GATAD1: variants seen among roughly 807,000 people sequenced by gnomAD.
GATAD1 encodes GATA zinc finger domain containing 1.
Under a neutral mutation model 26.5 loss-of-function variants are expected in GATAD1, and 12 were observed. That is an observed-to-expected ratio of 0.45 (90% confidence interval 0.29 to 0.73). The LOEUF (loss-of-function observed/expected upper bound fraction) is 0.73, where lower values mean the gene tolerates loss of function less well. GATAD1 is among the 30% of genes least tolerant of loss of function. The probability of loss-of-function intolerance (pLI) is 0.10; values close to 1 mark genes in which losing one functional copy is unlikely to be tolerated. For synonymous variants in GATAD1, 129 were observed against 133.1 expected, an observed-to-expected ratio of 0.97 and a Z score of 0.21; for missense variants, 266 against 342.1, an observed-to-expected ratio of 0.78 and a Z score of 1.75.
chr7:92,453,041 G>A (rs1280420904), intron 3 of GATAD1, among the ~76,000 whole-genome samples: 1 of 152,202 alleles, frequency 6.6e-6, no homozygotes, highest in Non-Finnish European at 1.5e-5. Flanking sequence ...ACTGTGGCCT[G>A]CATAGACCAG....
the GATAD1 span, chr7:92,475,011 A>G: frequency 6.6e-6 from 1 of 152,148 alleles, no homozygotes; most frequent in Non-Finnish European, 1.5e-5. Context: ...ATGCTGGGAT[A>G]GGGAGGTAGA....
At position 92,447,652 on chromosome 7, in the gene GATAD1, G is replaced by T. The variant is rs1489216425; in HGVS notation, c.-78G>T. ...CTCTTCCTATCGCCGGGAGTGGCGG[G>T]CCGACCAGGGGGCGGCCGGGCTACC... On this transcript the variant is annotated 5_prime_UTR_variant, in exon 1 of 5. Coordinates refer to ENST00000287957, the MANE Select transcript of GATAD1 (RefSeq NM_021167.5). The T allele has an allele frequency of 4.5e-6, 6 of 1,323,290 alleles. No homozygotes were observed. The East Asian group carries it at 1.9e-4, about 43-fold the overall frequency. The allele number at this position is 1,323,290 out of a possible 1,614,324, so 82.0% of individuals were successfully genotyped here.
At chr7:92,463,938 A>G (rs1448859847), downstream of GATAD1, among the ~76,000 whole-genome samples, 10 of 152,232 alleles carry the variant, frequency 6.6e-5, no homozygotes, top group Admixed American at 6.5e-4. Context: ...ACTGCACTCC[A>G]GCCTGGGGGA....
At chr7:92,482,029 T>G in the GATAD1 span, among the ~76,000 whole-genome samples, 1 of 152,036 alleles carries the variant, frequency 6.6e-6, no homozygotes. Context: ...TTGAGAAGAT[T>G]TAAAGGAGGG....
At chr7:92,488,398 C>A in the GATAD1 span, among the ~76,000 whole-genome samples, 1 of 152,084 alleles carries the variant, frequency 6.6e-6, no homozygotes, top group Admixed American at 6.5e-5. Flanking sequence ...AATTAGATAA[C>A]AAAAGGTAGC....
chr7:92,451,300 G>A (rs1445964350), intron 3 of GATAD1, among the ~76,000 whole-genome samples: 2 of 152,198 alleles, frequency 1.3e-5, no homozygotes, highest in African/African-American at 4.8e-5. Flanking sequence ...AGGTTTCCCA[G>A]GGCCAAAGTC....
chr7:92,461,770 C>T (rs1199717925), downstream of GATAD1, among the ~76,000 whole-genome samples: 1 of 152,104 alleles, frequency 6.6e-6, no homozygotes, highest in Non-Finnish European at 1.5e-5. Context: ...CAGGTTTGCT[C>T]ACAGCAAATG....
the GATAD1 span, among the ~76,000 whole-genome samples, chr7:92,488,405 T>C: frequency 6.6e-6 from 1 of 152,114 alleles, no homozygotes; most frequent in Non-Finnish European, 1.5e-5. Flanking sequence ...TAACAAAAGG[T>C]AGCAGCTTCT....
chr7:92,462,906 A>G (rs1412967549), downstream of GATAD1: 1 of 152,216 alleles, frequency 6.6e-6, no homozygotes, highest in African/African-American at 2.4e-5. Flanking sequence ...CAGAACTGTG[A>G]GAAATGAATG....
At chr7:92,481,083 T>G in the GATAD1 span, among the ~76,000 whole-genome samples, 1 of 152,088 alleles carries the variant, frequency 6.6e-6, no homozygotes, top group African/African-American at 2.4e-5. Flanking sequence ...GCCTCAATGA[T>G]GGATGTGGAA....
chr7:92,478,625 A>G, the GATAD1 span, among the ~76,000 whole-genome samples: 26 of 152,218 alleles, frequency 1.7e-4, no homozygotes, highest in African/African-American at 4.8e-4. Context: ...ATGGTAATAC[A>G]TAAGTTATTA....
At chr7:92,477,156 C>T in the GATAD1 span, among the ~76,000 whole-genome samples, 1 of 152,120 alleles carries the variant, frequency 6.6e-6, no homozygotes, top group Admixed American at 6.5e-5. Context: ...CCTCGGCTTC[C>T]CCAAGAAAAC....
the GATAD1 span, among the ~76,000 whole-genome samples, chr7:92,478,533 A>T: frequency 6.6e-6 from 1 of 152,152 alleles, no homozygotes; most frequent in Non-Finnish European, 1.5e-5. Context: ...GGCTAGGTGG[A>T]TGCAGCTACC....
At chr7:92,460,137 TC>T (rs140673217), downstream of GATAD1, among the ~76,000 whole-genome samples, 4,189 of 152,320 alleles carry the variant, frequency 0.028, 83 homozygotes, top group Non-Finnish European at 0.044. Flanking sequence ...GTTTTCCACT[TC>T]AGCCGTAAGT....
chr7:92,456,355 C>T lies in GATAD1; in HGVS notation c.620-17C>T, dbSNP rs748579297. 78 of 1,564,408 alleles carry T rather than the reference C, an allele frequency of 5.0e-5. No individual in the cohort carries two copies. The highest frequency in any genetic ancestry group is 1.1e-4 in the Admixed American group (6 of 57,096). On this transcript the variant is annotated splice_polypyrimidine_tract_variant and intron_variant, in intron 4 of 4. Coordinates refer to ENST00000287957, the MANE Select transcript of GATAD1 (RefSeq NM_021167.5). ...TGGTCAAAAATGTATTTAACCTTTC[C>T]CTTGGCTGCCTTCCAGGGCCAGAGG...
chr7:92,476,101 C>G, the GATAD1 span, among the ~76,000 whole-genome samples: 1 of 152,126 alleles, frequency 6.6e-6, no homozygotes. Context: ...TAGGTCTGGT[C>G]GGACCTTTGT....
intron 3 of GATAD1, among the ~76,000 whole-genome samples, chr7:92,451,321 T>C (rs1377667350): frequency 3.3e-5 from 5 of 152,220 alleles, no homozygotes; most frequent in African/African-American, 7.2e-5. Flanking sequence ...CATGAACATC[T>C]GATACCTCAG....
At chr7:92,478,953 G>T in the GATAD1 span, among the ~76,000 whole-genome samples, 2 of 152,128 alleles carry the variant, frequency 1.3e-5, no homozygotes, top group Non-Finnish European at 2.9e-5. Context: ...GGAGGGCCAG[G>T]TTTTTTGCGG....
chr7:92,475,935 A>G, the GATAD1 span, among the ~76,000 whole-genome samples: 1 of 152,186 alleles, frequency 6.6e-6, no homozygotes, highest in Non-Finnish European at 1.5e-5. Context: ...CTGAGTGCAA[A>G]CAGCTCACAC....
Sources: allele counts gnomAD v4.1 joint callset (sites outside exome capture counted in the v4.1 genomes callset), GRCh38; gene constraint gnomAD v4.1.1; transcripts MANE v1.5; gene names NCBI Gene and HGNC (gene_info 2026-07-23, HGNC 2026-07-21).